Variants in CLASP2 observed in about 807,000 individuals in gnomAD.
CLASP2 encodes cytoplasmic linker associated protein 2.
CLASP2 carries 47 observed loss-of-function variants against 194.4 expected under a neutral mutation model. The ratio of observed to expected loss-of-function variants is 0.24; its 90% CI spans 0.19 to 0.31. The LOEUF (loss-of-function observed/expected upper bound fraction) is 0.31. Among genes scored for constraint, CLASP2 ranks in the 10% least tolerant of loss-of-function variants. The pLI is 1.00. For missense variants in CLASP2, 1,445 were observed against 1,823.6 expected (o/e 0.79, Z 3.78); for synonymous variants, 619 against 633.5 (o/e 0.98, Z 0.34).
At chr3:33,566,942 C>T (rs1247984958) in intron 26 of CLASP2, among the ~76,000 whole-genome samples, 12 of 152,108 alleles carry the variant, frequency 7.9e-5, no homozygotes, top group Admixed American at 7.9e-4. Flanking sequence ...GGGAGAAGAA[C>T]ATATGATTTT....
intron 32 of CLASP2, among the ~76,000 whole-genome samples, chr3:33,540,905 T>C (rs2154143063): frequency 6.6e-6 from 1 of 152,124 alleles, no homozygotes; most frequent in African/African-American, 2.4e-5. Flanking sequence ...CCTGAGTAGC[T>C]GGAACTACCG....
chr3:33,584,150 A>G (rs1001597469), intron 22 of CLASP2, among the ~76,000 whole-genome samples: 2 of 152,212 alleles, frequency 1.3e-5, no homozygotes, highest in African/African-American at 4.8e-5. Flanking sequence ...TGTCAAACAC[A>G]CAAGAAACTG....
chr3:33,595,038 T>G, intron 19 of CLASP2, 70 bp from the exon 20 acceptor site: 1 of 923,580 alleles, frequency 1.1e-6, no homozygotes, highest in Non-Finnish European at 1.5e-6. Flanking sequence ...TACCTCACAG[T>G]CCCCACCCAA....
chr3:33,709,716 T>C (rs760328008), intron 1 of CLASP2, among the ~76,000 whole-genome samples: 3 of 152,244 alleles, frequency 2.0e-5, no homozygotes, highest in Non-Finnish European at 2.9e-5. Flanking sequence ...TTTTAGATTT[T>C]TGACCTCTAG....
At chr3:33,526,612 A>G (rs1007297775) in intron 34 of CLASP2, among the ~76,000 whole-genome samples, 1 of 152,178 alleles carries the variant, frequency 6.6e-6, no homozygotes, top group Non-Finnish European at 1.5e-5. Context: ...ACTAAACTCA[A>G]CATTGGACCA....
rs1166929601 is a variant in CLASP2, at chr3:33,677,670, A to ATT, written c.644+6688_644+6689insAA. On this transcript the variant is annotated intron_variant, in intron 6 of 38. Transcript: ENST00000682230. Reference sequence around the variant, plus strand: ...GTATACATATGTAACTAACCTGCACAGTGCACATGTACCCTAAAACTTAAA... The same window carrying ATT: ...GTATACATATGTAACTAACCTGCACATTGTGCACATGTACCCTAAAACTTAAA... Among the ~76,000 whole-genome samples, 11 of 151,512 alleles carry ATT rather than the reference A, an allele frequency of 7.3e-5. No homozygotes were observed. The East Asian group carries it at 2.1e-3, about 29-fold the overall frequency.
chr3:33,705,150 G>A (rs1032624402), intron 1 of CLASP2, among the ~76,000 whole-genome samples: 1 of 152,148 alleles, frequency 6.6e-6, no homozygotes, highest in Non-Finnish European at 1.5e-5. Context: ...CAGCCCACAT[G>A]TCCACCAACT....
At chr3:33,653,777 GGAT>G (rs1395233204) in intron 7 of CLASP2, among the ~76,000 whole-genome samples, 2 of 152,020 alleles carry the variant, frequency 1.3e-5, no homozygotes, top group Non-Finnish European at 2.9e-5. Context: ...TCTTGAAACT[GGAT>G]GATAAGTAGT....
intron 3 of CLASP2, 72 bp downstream of exon 3, chr3:33,689,757 A>T: frequency 2.0e-6 from 2 of 994,848 alleles, no homozygotes; most frequent in Non-Finnish European, 2.9e-6. Flanking sequence ...TTCAGTGTTC[A>T]TGCTTGCTGT....
chr3:33,568,649 G>A (rs1172194144), intron 26 of CLASP2, among the ~76,000 whole-genome samples: 2 of 147,802 alleles, frequency 1.4e-5, no homozygotes, highest in Non-Finnish European at 3.0e-5. Flanking sequence ...ACACACATTT[G>A]TTTGTTCATT....
intron 23 of CLASP2, among the ~76,000 whole-genome samples, chr3:33,576,840 T>C (rs938392682): frequency 3.9e-5 from 6 of 152,072 alleles, no homozygotes; most frequent in African/African-American, 1.4e-4. Context: ...CAGAGATGAA[T>C]TCTCCCCCTC....
intron 18 of CLASP2, among the ~76,000 whole-genome samples, chr3:33,597,349 C>G (rs1349476475): frequency 6.6e-6 from 1 of 152,162 alleles, no homozygotes; most frequent in African/African-American, 2.4e-5. Flanking sequence ...GTGTTTAGTG[C>G]CTGTGCTAAA....
intron 20 of CLASP2, among the ~76,000 whole-genome samples, chr3:33,594,471 C>A (rs115897291): frequency 7.0e-4 from 107 of 152,028 alleles, no homozygotes; most frequent in Non-Finnish European, 1.3e-3. Context: ...CAATTTGAAT[C>A]TGTGACCAAC....
chr3:33,690,440 C>T (rs1427321407), intron 2 of CLASP2, among the ~76,000 whole-genome samples: 1 of 152,146 alleles, frequency 6.6e-6, no homozygotes, highest in Admixed American at 6.5e-5. Flanking sequence ...AAATAATACA[C>T]ATAAACAACT....
chr3:33,592,381 T>C lies in CLASP2; in HGVS notation c.2068+14A>G. On this transcript the variant is annotated intron_variant, in intron 21 of 38. Coordinates refer to ENST00000682230, the MANE Select transcript of CLASP2 (RefSeq NM_001365631.1). ...ATAGTGACAAATATAGGAGGGCTGA[T>C]AAGCAATACATACGCTGTGATTGAG... The C allele has an allele frequency of 3.2e-6, 5 of 1,569,902 alleles. No homozygotes were observed. The highest frequency in any genetic ancestry group is 4.4e-6 in the Non-Finnish European group (5 of 1,141,100).
At chr3:33,659,177 T>C (rs1453622170) in intron 7 of CLASP2, 13 of 1,376,306 alleles carry the variant, frequency 9.4e-6, no homozygotes, top group South Asian at 1.9e-5. Context: ...AATAAAAGTC[T>C]GGGGTCTTGC....
In CLASP2 at chr3:33,581,833, A is replaced by G; in HGVS notation, c.2335T>C (p.Phe779Leu). ...CCCGAATACGTACCGAGGGGCTGAA[A>G]AGAGCGAACAGGACTTGTGTCTCTG... ...SSRDTSPVRS[F>L]QPLGPGYGIS... The change falls in exon 23 of 39, where the codon TTT becomes CTT. Residue 779 changes from phenylalanine to leucine, a missense_variant. Physicochemically the swap from Phe to Leu is conservative, Grantham distance 22. Coordinates refer to ENST00000682230, the MANE Select transcript of CLASP2 (RefSeq NM_001365631.1). 6.2e-7 allele frequency: 1 copy of G among 1,613,028 alleles called. No homozygotes were observed. Among genetic ancestry groups the G allele is most frequent in the Non-Finnish European group, 8.5e-7 (1 of 1,179,370 alleles).
chr3:33,663,176 C>CA (rs1321602292), intron 7 of CLASP2, among the ~76,000 whole-genome samples: 1 of 65,850 alleles, frequency 1.5e-5, no homozygotes, highest in Non-Finnish European at 2.9e-5. Context: ...CCAGAAGACA[C>CA]AAAAAACAAG....
chr3:33,516,905 C>A, intron 35 of CLASP2, 76 bp downstream of exon 35: 1 of 1,234,990 alleles, frequency 8.1e-7, no homozygotes, highest in Non-Finnish European at 1.2e-6. Flanking sequence ...TTGCTAAATC[C>A]GTGTAGCATT....
Sources: gnomAD v4.1 joint callset for allele counts (sites outside exome capture counted in the v4.1 genomes callset) on GRCh38, gnomAD v4.1.1 for gene constraint, MANE v1.5 for transcripts, NCBI Gene and HGNC (gene_info 2026-07-23, HGNC 2026-07-21) for gene names.